The following AKAP6 variants were observed in gnomAD, a reference collection of about 807,000 sequenced individuals.
AKAP6 encodes A-kinase anchor protein 6.
Under a neutral mutation model 188.5 loss-of-function variants are expected in AKAP6, and 58 were observed. The observed-to-expected ratio is 0.31, with a 90% CI of 0.25 to 0.38. The LOEUF is 0.38. Among genes scored for constraint, AKAP6 ranks in the 10% least tolerant of loss-of-function variants. The pLI is 1.00. For synonymous variants in AKAP6, 989 were observed against 998.6 expected, an observed-to-expected ratio of 0.99 and a Z score of 0.18; for missense variants, 2,710 against 2,740.0, an observed-to-expected ratio of 0.99 and a Z score of 0.24.
At chr14:32,489,385 T>A (rs910918054) in intron 2 of AKAP6, among the ~76,000 whole-genome samples, 4 of 152,112 alleles carry the variant, frequency 2.6e-5, no homozygotes, top group Non-Finnish European at 5.9e-5. Context: ...ATTTTTAAAA[T>A]TTTTTATAGA....
chr14:32,371,884 CTCA>C (rs892894815), intron 1 of AKAP6, among the ~76,000 whole-genome samples: 12 of 152,206 alleles, frequency 7.9e-5, no homozygotes, highest in African/African-American at 2.9e-4. Context: ...GGGTGGTTTC[CTCA>C]TCTGCAAGAT....
chr14:32,612,997 A>G (rs988414121), intron 7 of AKAP6, among the ~76,000 whole-genome samples: 1 of 152,228 alleles, frequency 6.6e-6, no homozygotes, highest in Non-Finnish European at 1.5e-5. Flanking sequence ...CTGACATATT[A>G]TATTTGGTCC....
chr14:32,672,115 C>G (rs1889224398), intron 7 of AKAP6, among the ~76,000 whole-genome samples: 1 of 152,112 alleles, frequency 6.6e-6, no homozygotes, highest in African/African-American at 2.4e-5. Flanking sequence ...TCACCACATA[C>G]CGAGCCAAAT....
At position 32,834,686 on chromosome 14, in the gene AKAP6, T is replaced by A. The variant is rs938713577; in HGVS notation, c.*4881T>A. The A allele has an allele frequency of 1.1e-4, 17 of 152,268 alleles. No homozygotes were observed. The highest frequency in any genetic ancestry group is 2.1e-4 in the South Asian group (1 of 4,830). 9.4% of individuals were successfully genotyped at this position (152,268 alleles called of 1,614,324 possible). A position where few individuals can be genotyped will look rare whatever the true frequency, so the allele number is the denominator to read the frequency against. On this transcript the variant is annotated 3_prime_UTR_variant, in exon 14 of 14. Coordinates refer to ENST00000280979, the MANE Select transcript of AKAP6 (RefSeq NM_004274.5). ...TTGATGGGTCTAGTTGTTTTCTCAT[T>A]GTTAAACTCAGGGTAAACTTTTTTT...
intron 11 of AKAP6, among the ~76,000 whole-genome samples, chr14:32,770,619 A>G (rs753048475): frequency 6.6e-6 from 1 of 152,128 alleles, no homozygotes; most frequent in African/African-American, 2.4e-5. Context: ...CTTGTTTTCC[A>G]CTTTAACATA....
At chr14:32,340,205 A>T (rs1375477745) in intron 1 of AKAP6, among the ~76,000 whole-genome samples, 9 of 151,938 alleles carry the variant, frequency 5.9e-5, no homozygotes, top group African/African-American at 2.2e-4. Flanking sequence ...ATTTGTTTTT[A>T]TTAAATGTTA....
At chr14:32,561,235 A>G (rs1883944471) in intron 4 of AKAP6, among the ~76,000 whole-genome samples, 1 of 152,212 alleles carries the variant, frequency 6.6e-6, no homozygotes, top group African/African-American at 2.4e-5. Flanking sequence ...TAAAGGCTAC[A>G]TAAATATTAG....
intron 7 of AKAP6, among the ~76,000 whole-genome samples, chr14:32,606,783 C>T (rs1158596168): frequency 6.6e-6 from 1 of 152,118 alleles, no homozygotes; most frequent in Non-Finnish European, 1.5e-5. Flanking sequence ...AAATGGATAT[C>T]AGACTATGAA....
chr14:32,687,214 G>A (rs562583991), intron 8 of AKAP6, among the ~76,000 whole-genome samples: 3 of 152,056 alleles, frequency 2.0e-5, no homozygotes, highest in South Asian at 4.1e-4. Context: ...AATGAATCAC[G>A]ATTTAAAATA....
At chr14:32,633,453 C>G (rs908166989) in intron 7 of AKAP6, among the ~76,000 whole-genome samples, 5 of 151,998 alleles carry the variant, frequency 3.3e-5, no homozygotes, top group Non-Finnish European at 7.4e-5. Context: ...ATTATACACC[C>G]CTGTCTATTA....
At chr14:32,543,365 A>C (rs930349665) in intron 3 of AKAP6, among the ~76,000 whole-genome samples, 4 of 152,214 alleles carry the variant, frequency 2.6e-5, no homozygotes, top group Admixed American at 1.3e-4. Flanking sequence ...GTTGTCACAA[A>C]TGACAGGATT....
chr14:32,745,505 CTCTCTCTCTCTCTGTCTG>C, intron 11 of AKAP6, among the ~76,000 whole-genome samples: 1 of 147,660 alleles, frequency 6.8e-6, no homozygotes, highest in East Asian at 2.0e-4. Context: ...CTGTCTCTCT[CTCTCTCTCTCTCTGTCTG>C]TCTCTCTCTC....
intron 7 of AKAP6, among the ~76,000 whole-genome samples, chr14:32,649,371 T>C (rs1289915274): frequency 6.6e-6 from 1 of 152,216 alleles, no homozygotes; most frequent in Admixed American, 6.5e-5. Flanking sequence ...TTAAAATCCT[T>C]TTAGACTGTT....
intron 8 of AKAP6, among the ~76,000 whole-genome samples, chr14:32,680,600 A>G (rs1335757641): frequency 1.3e-5 from 2 of 152,166 alleles, no homozygotes; most frequent in Non-Finnish European, 2.9e-5. Context: ...TACAATTCGT[A>G]TCATTTTATT....
chr14:32,463,436 A>T (rs1156573939), intron 2 of AKAP6, among the ~76,000 whole-genome samples: 1 of 152,234 alleles, frequency 6.6e-6, no homozygotes, highest in East Asian at 1.9e-4. Flanking sequence ...AGAGCTCAGG[A>T]TTAAGAATCT....
intron 2 of AKAP6, among the ~76,000 whole-genome samples, chr14:32,507,124 A>G (rs560776933): frequency 1.2e-4 from 19 of 152,326 alleles, no homozygotes; most frequent in African/African-American, 4.3e-4. Context: ...TCAGTTATAC[A>G]CATATTGTCT....
At chr14:32,808,699 C>A (rs927998663) in intron 12 of AKAP6, among the ~76,000 whole-genome samples, 3 of 152,138 alleles carry the variant, frequency 2.0e-5, no homozygotes, top group Non-Finnish European at 4.4e-5. Context: ...TCTTTCTGAG[C>A]AGCACTCATA....
chr14:32,493,957 T>C (rs1443360085), intron 2 of AKAP6, among the ~76,000 whole-genome samples: 1 of 151,648 alleles, frequency 6.6e-6, no homozygotes, highest in Non-Finnish European at 1.5e-5. Flanking sequence ...GCAAGGAGAG[T>C]CACGAGGCTT....
intron 2 of AKAP6, among the ~76,000 whole-genome samples, chr14:32,499,328 C>CAAA (rs71432061): frequency 0.03 from 3,337 of 110,706 alleles, 126 homozygotes; most frequent in African/African-American, 0.094. Context: ...AGTGTAACAG[C>CAAA]AAAAAAAAAA....
Sources: gnomAD v4.1 joint callset for allele counts (sites outside exome capture counted in the v4.1 genomes callset) on GRCh38, gnomAD v4.1.1 for gene constraint, MANE v1.5 for transcripts, NCBI Gene and HGNC (gene_info 2026-07-23, HGNC 2026-07-21) for gene names.